Variants in FGF12 observed in about 807,000 individuals in gnomAD.
FGF12 encodes the protein fibroblast growth factor 12.
In FGF12, 14 loss-of-function variants were observed where a neutral mutation model predicts 23.6. The ratio of observed to expected loss-of-function variants is 0.59; its 90% CI spans 0.39 to 0.93. The LOEUF is 0.93. FGF12 is among the 40% of genes least tolerant of loss of function. FGF12 has a pLI of 0.00. For missense variants in FGF12, 175 were observed against 217.8 expected (o/e 0.80, Z 1.24); for synonymous variants, 62 against 77.3 (o/e 0.80, Z 1.04).
At chr3:192,286,362 T>C (rs1397215852) in intron 4 of FGF12, among the ~76,000 whole-genome samples, 1 of 152,032 alleles carries the variant, frequency 6.6e-6, no homozygotes, top group Admixed American at 6.6e-5. Flanking sequence ...GCGTTCCCAC[T>C]CACTGTTTGC....
At chr3:192,645,325 T>C (rs370653694) in intron 2 of FGF12, among the ~76,000 whole-genome samples, 5 of 152,148 alleles carry the variant, frequency 3.3e-5, no homozygotes, top group East Asian at 1.9e-4. Context: ...GTAATTAAGA[T>C]AGTGATGGTG....
At chr3:192,270,706 TAGA>T (rs1278710347) in intron 4 of FGF12, among the ~76,000 whole-genome samples, 1 of 151,252 alleles carries the variant, frequency 6.6e-6, no homozygotes, top group African/African-American at 2.4e-5. Context: ...CTCCAGATTG[TAGA>T]AGAAAAATGC....
At chr3:192,403,839 C>A (rs1234369670) in intron 2 of FGF12, among the ~76,000 whole-genome samples, 1 of 151,996 alleles carries the variant, frequency 6.6e-6, no homozygotes, top group East Asian at 1.9e-4. Flanking sequence ...TTCCTCTATG[C>A]AAAAGGATAC....
At chr3:192,474,072 G>A (rs1394585368) in intron 2 of FGF12, among the ~76,000 whole-genome samples, 2 of 152,116 alleles carry the variant, frequency 1.3e-5, no homozygotes, top group African/African-American at 4.8e-5. Context: ...CTTATGCATA[G>A]GGCAAATTAT....
At chr3:192,569,035 C>G (rs1018790266) in intron 2 of FGF12, among the ~76,000 whole-genome samples, 3 of 152,074 alleles carry the variant, frequency 2.0e-5, no homozygotes, top group Non-Finnish European at 2.9e-5. Context: ...ACAGTACATG[C>G]GGAATAATCA....
chr3:192,427,051 TG>T (rs1314133763), intron 2 of FGF12, among the ~76,000 whole-genome samples: 2 of 152,166 alleles, frequency 1.3e-5, no homozygotes, highest in African/African-American at 4.8e-5. Flanking sequence ...CTTTTTTTCC[TG>T]GGACTTTTCA....
chr3:192,276,553 C>T (rs754545465), intron 4 of FGF12, among the ~76,000 whole-genome samples: 2 of 152,020 alleles, frequency 1.3e-5, no homozygotes, highest in South Asian at 2.1e-4. Context: ...GAAAACAATA[C>T]CCCCAACTGA....
chr3:192,659,469 C>T (rs1403248860), intron 2 of FGF12, among the ~76,000 whole-genome samples: 3 of 152,102 alleles, frequency 2.0e-5, no homozygotes, highest in Non-Finnish European at 4.4e-5. Context: ...GTAGCTCCCT[C>T]TCCAACCTGC....
At chr3:192,512,365 C>T (rs1560135105) in intron 2 of FGF12, among the ~76,000 whole-genome samples, 5 of 151,932 alleles carry the variant, frequency 3.3e-5, no homozygotes, top group Admixed American at 2.0e-4. Context: ...AAAAAAATAT[C>T]GCTTTAAAAT....
chr3:192,446,593 T>C (rs1186125053), intron 2 of FGF12, among the ~76,000 whole-genome samples: 2 of 152,212 alleles, frequency 1.3e-5, no homozygotes, highest in African/African-American at 4.8e-5. Flanking sequence ...AGTCTGACAG[T>C]AGTCAGCAAA....
At chr3:192,259,608 G>C (rs1326293101) in intron 4 of FGF12, among the ~76,000 whole-genome samples, 1 of 152,116 alleles carries the variant, frequency 6.6e-6, no homozygotes, top group East Asian at 1.9e-4. Flanking sequence ...GGAAATGTTT[G>C]TAAGTAGAAA....
At chr3:192,186,531 C>T (rs1716480324) in intron 4 of FGF12, among the ~76,000 whole-genome samples, 2 of 152,098 alleles carry the variant, frequency 1.3e-5, no homozygotes, top group Non-Finnish European at 2.9e-5. Context: ...TCAGGAATAT[C>T]GAATGAATAA....
chr3:192,594,577 T>C (rs1713762104), intron 2 of FGF12, among the ~76,000 whole-genome samples: 1 of 151,890 alleles, frequency 6.6e-6, no homozygotes, highest in Non-Finnish European at 1.5e-5. Flanking sequence ...ATTCATACGT[T>C]GATGGCTTTT....
At chr3:192,722,919 A>G (rs751214679) in intron 2 of FGF12, among the ~76,000 whole-genome samples, 3 of 152,204 alleles carry the variant, frequency 2.0e-5, no homozygotes, top group Non-Finnish European at 4.4e-5. Context: ...TGCTCAATAA[A>G]TATTTGTTTA....
chr3:192,378,616 A>C (rs1576928281), intron 2 of FGF12, among the ~76,000 whole-genome samples: 1 of 152,076 alleles, frequency 6.6e-6, no homozygotes, highest in Non-Finnish European at 1.5e-5. Flanking sequence ...CTTTGGTATA[A>C]GTTTACATTC....
At chr3:192,525,527 C>T (rs775734095) in intron 2 of FGF12, among the ~76,000 whole-genome samples, 3 of 152,190 alleles carry the variant, frequency 2.0e-5, no homozygotes, top group Non-Finnish European at 4.4e-5. Flanking sequence ...CTGATCACAT[C>T]TTGCCTAATT....
chr3:192,377,867 G>C lies in FGF12; in HGVS notation c.14-17329C>G, dbSNP rs886325105. ...TTAAGGAGAATAATATATCTGAACA[G>C]ATGTTTTCCCTAGAGAATTGAAAAC... On this transcript the variant is annotated intron_variant, in intron 2 of 5. Coordinates refer to ENST00000445105, the MANE Select transcript of FGF12 (RefSeq NM_004113.6). 3.3e-5 allele frequency among the ~76,000 whole-genome samples: 5 copies of C among 152,198 alleles called. 1 individual carries two copies.
chr3:192,310,483 T>G (rs1715876272), intron 4 of FGF12, among the ~76,000 whole-genome samples: 1 of 152,302 alleles, frequency 6.6e-6, no homozygotes, highest in South Asian at 2.1e-4. Flanking sequence ...TTGCAAATAC[T>G]TATGAGGAAG....
At chr3:192,342,571 G>A (rs1245792965) in intron 3 of FGF12, among the ~76,000 whole-genome samples, 2 of 152,098 alleles carry the variant, frequency 1.3e-5, no homozygotes, top group African/African-American at 4.8e-5. Context: ...AGGAGTTTGC[G>A]ACTAGCCTGG....
Sources: allele counts gnomAD v4.1 joint callset (sites outside exome capture counted in the v4.1 genomes callset), GRCh38; gene constraint gnomAD v4.1.1; transcripts MANE v1.5; gene names NCBI Gene and HGNC (gene_info 2026-07-23, HGNC 2026-07-21).